Variants in DUOX1 observed in about 807,000 individuals in gnomAD.
DUOX1 encodes NADPH thyroid oxidase 1.
Under a neutral mutation model 181.8 loss-of-function variants are expected in DUOX1, and 134 were observed. The ratio of observed to expected loss-of-function variants is 0.74; its 90% CI spans 0.64 to 0.85. The LOEUF (loss-of-function observed/expected upper bound fraction) is 0.85. DUOX1 is among the 40% of genes least tolerant of loss of function. DUOX1 has a pLI of 0.00. For synonymous variants in DUOX1, 798 were observed against 832.5 expected, an observed-to-expected ratio of 0.96 and a Z score of 0.71; for missense variants, 1,814 against 2,064.4, an observed-to-expected ratio of 0.88 and a Z score of 2.35.
At chr15:45,154,106 G>A (rs1056093015) in intron 27 of DUOX1, 106 bp downstream of exon 27, 21 of 1,060,266 alleles carry the variant, frequency 2.0e-5, no homozygotes, top group Non-Finnish European at 2.8e-5. Flanking sequence ...CAGCTCTTCC[G>A]GTGACCCAGG....
Position 45,147,622 on chromosome 15 carries a change from C to A in DUOX1, c.2512C>A (p.Arg838=). Residue 838 remains arginine, a synonymous_variant, in exon 19 of 34, where the codon CGA becomes AGA. Coordinates refer to ENST00000389037, the MANE Select transcript of DUOX1 (RefSeq NM_175940.3). ...DKDGNGYLSF[R]EFLDILVVFM... is the part of the protein sequence containing the mutation. ...GGATGGCAATGGCTACCTGTCCTTC[C>A]GAGAGTTCCTGGACATCCTGGTGGT... is the stretch of plus-strand genomic sequence containing the variant. The A allele has an allele frequency of 6.2e-7, 1 of 1,614,142 alleles. No individual in the cohort carries two copies. The highest frequency in any genetic ancestry group is 8.5e-7 in the Non-Finnish European group (1 of 1,180,028).
At chr15:45,131,175 C>A (rs1896129607) in intron 1 of DUOX1, among the ~76,000 whole-genome samples, 1 of 152,192 alleles carries the variant, frequency 6.6e-6, no homozygotes, top group Non-Finnish European at 1.5e-5. Context: ...GAGGTCTTCG[C>A]CGGCTTTAGG....
At chr15:45,130,906 A>G (rs1193245416) in intron 1 of DUOX1, among the ~76,000 whole-genome samples, 1 of 152,244 alleles carries the variant, frequency 6.6e-6, no homozygotes, top group African/African-American at 2.4e-5. Context: ...TCAACCATCC[A>G]GAGCCCAGCT....
Position 45,131,946 on chromosome 15 carries a change from T to G in DUOX1, c.-21T>G, listed in dbSNP as rs965800909. ...CTCCATTTTGGGACATTCTAATCCCTGAGCCCCTATTATTTTCATCATGGG... is the reference window on the plus strand; with the variant it reads ...CTCCATTTTGGGACATTCTAATCCCGGAGCCCCTATTATTTTCATCATGGG... On this transcript the variant is annotated 5_prime_UTR_variant, in exon 2 of 34. Coordinates refer to ENST00000389037, the MANE Select transcript of DUOX1 (RefSeq NM_175940.3). The G allele has an allele frequency of 2.5e-6, 4 of 1,613,454 alleles. No individual in the cohort carries two copies. Among genetic ancestry groups the G allele is most frequent in the Non-Finnish European group, 3.4e-6 (4 of 1,179,532 alleles).
At chr15:45,138,894 C>T in intron 10 of DUOX1, 172 bp from the exon 11 acceptor site, 2 of 623,024 alleles carry the variant, frequency 3.2e-6, no homozygotes, top group Admixed American at 3.0e-5. Context: ...GGGGACACCC[C>T]TCACCCTGAG....
At position 45,133,900 on chromosome 15, in the gene DUOX1, T is replaced by A; in HGVS notation, c.95T>A (p.Phe32Tyr). The A allele has an allele frequency of 6.2e-7, 1 of 1,613,882 alleles. No homozygotes were observed. The highest frequency in any genetic ancestry group is 1.3e-5 in the African/African-American group (1 of 74,990). The change falls in exon 3 of 34, where the codon TTT becomes TAT. Residue 32 changes from phenylalanine (F) to tyrosine (Y), a missense_variant. This residue lies in a region of DUOX1 where 320 missense variants were observed against 313.1 expected (regional missense o/e 1.02). Coordinates refer to ENST00000389037, the MANE Select transcript of DUOX1 (RefSeq NM_175940.3). ...QNPISWEVQRFDGWYNNLMEH... is the reference protein window; with the variant it reads ...QNPISWEVQRYDGWYNNLMEH... ...CCCATTTCGTGGGAGGTGCAGCGAT[T>A]TGATGGGTGGTACAACAACCTCATG...
chr15:45,154,069 C>T, intron 27 of DUOX1, 69 bp downstream of exon 27: 1 of 1,456,264 alleles, frequency 6.9e-7, no homozygotes, highest in Middle Eastern at 1.7e-4. Flanking sequence ...GTTCTCTGCA[C>T]CCCAGAGCAA....
At chr15:45,142,787 G>GTAA in intron 15 of DUOX1, among the ~76,000 whole-genome samples, 1 of 143,680 alleles carries the variant, frequency 7.0e-6, no homozygotes, top group Non-Finnish European at 1.6e-5. Context: ...AAGGAAGGAA[G>GTAA]GGAGGGAGGA....
chr15:45,144,698 A>G (rs1896602912), intron 17 of DUOX1, among the ~76,000 whole-genome samples, 197 bp from the exon 18 acceptor site: 1 of 152,202 alleles, frequency 6.6e-6, no homozygotes. Context: ...GTCTTTGTAC[A>G]TGTGCCTTTA....
chr15:45,135,405 G>C, intron 5 of DUOX1, 69 bp from the exon 6 acceptor site: 2 of 1,507,286 alleles, frequency 1.3e-6, no homozygotes, highest in Non-Finnish European at 1.8e-6. Flanking sequence ...GCGGACACCC[G>C]CCGGGCCCCG....
At chr15:45,138,522 A>T (rs1273682575) in intron 10 of DUOX1, 1 of 157,140 alleles carries the variant, frequency 6.4e-6, no homozygotes, top group African/African-American at 2.4e-5. Flanking sequence ...AAATCAGGCC[A>T]GCATGGGTGA....
In DUOX1 at chr15:45,135,121, G is replaced by A. The variant is rs1896256616; in HGVS notation, c.325G>A (p.Asp109Asn). The change falls in exon 5 of 34, where the codon GAC becomes AAC. Residue 109 changes from aspartate (D) to asparagine (N), a missense_variant. Physicochemically the swap from Asp to Asn is conservative, Grantham distance 23. This residue lies in a region of DUOX1 where 320 missense variants were observed against 313.1 expected (regional missense o/e 1.02). Transcript: ENST00000389037. ...GVFFGYHVLS[D>N]LVSVETPGCP... is the part of the protein sequence containing the mutation. Reference sequence around the variant, plus strand: ...GCCCGCAGGCTATCACGTGCTTTCAGACCTGGTGAGCGTGGAAACTCCCGG... The same window carrying A: ...GCCCGCAGGCTATCACGTGCTTTCAAACCTGGTGAGCGTGGAAACTCCCGG... The A allele has an allele frequency of 6.2e-7, 1 of 1,613,748 alleles. No individual in the cohort carries two copies. Among genetic ancestry groups the A allele is most frequent in the Non-Finnish European group, 8.5e-7 (1 of 1,179,896 alleles).
At chr15:45,136,094 A>G (rs1896305672) in intron 7 of DUOX1, 146 bp downstream of exon 7, 6 of 1,465,662 alleles carry the variant, frequency 4.1e-6, no homozygotes, top group Non-Finnish European at 5.6e-6. Flanking sequence ...GCCCCTGTAA[A>G]TGATAGGGAG....
chr15:45,163,813 G>T lies in DUOX1; in HGVS notation c.4428G>T (p.Gln1476His). Residue 1476 changes from glutamine to histidine, a missense_variant, in exon 33 of 34, where the codon CAG (glutamine) becomes CAT (histidine). Transcript: ENST00000389037. ...AGTACATCTGTGAGCGGCACTTCCA[G>T]AAGGTTCTGAACCGGAGTCTATTCA... is the stretch of plus-strand genomic sequence containing the variant. ...TMLYICERHF[Q>H]KVLNRSLFTG... 6.2e-7 allele frequency: 1 copy of T among 1,614,104 alleles called. No homozygotes were observed. Among genetic ancestry groups the T allele is most frequent in the Non-Finnish European group, 8.5e-7 (1 of 1,180,012 alleles).
At position 45,136,562 on chromosome 15, in the gene DUOX1, C is replaced by T; in HGVS notation, c.959C>T (p.Ser320Leu). ...CCATTTCTGGACCCCAGCATCTCCT[C>T]AGAGTTCGTGGCGGCCTCTGAGCAG... ...YRPFLDPSIS[S>L]EFVAASEQFL... The change falls in exon 9 of 34, where the codon TCA becomes TTA. Residue 320 changes from serine to leucine, a missense_variant. Physicochemically the swap from Ser to Leu is moderately radical, Grantham distance 145. Around this residue, in one of 5 missense-constraint regions of DUOX1, gnomAD observed 1,064 missense variants for 1,152.9 expected, o/e 0.92. Transcript: ENST00000389037. 1 of 1,614,192 alleles carries T rather than the reference C, an allele frequency of 6.2e-7. No homozygotes were observed. The highest frequency in any genetic ancestry group is 8.5e-7 in the Non-Finnish European group (1 of 1,180,030).
Position 45,152,046 on chromosome 15 carries a change from G to A in DUOX1, c.3187G>A (p.Ala1063Thr), listed in dbSNP as rs1418578627. Reference protein sequence around the residue: ...AIAGGLFLERAYYYAFAAHHT... With the variant: ...AIAGGLFLERTYYYAFAAHHT... ...CGCTGGGGGGCTTTTCCTGGAGAGG[G>A]CCTACTGTGAGTGACTTTACTTACC... The change falls in exon 24 of 34, where the codon GCC becomes ACC. Residue 1063 changes from alanine (A) to threonine (T), a missense_variant. Ala to Thr is a moderately conservative substitution (Grantham distance 58, BLOSUM62 0). Transcript: ENST00000389037. The A allele has an allele frequency of 1.2e-6, 2 of 1,613,668 alleles. No individual in the cohort carries two copies. Among genetic ancestry groups the A allele is most frequent in the Non-Finnish European group, 1.7e-6 (2 of 1,179,714 alleles).
intron 12 of DUOX1, 82 bp from the exon 13 acceptor site, chr15:45,140,813 G>C: frequency 7.3e-7 from 1 of 1,368,550 alleles, no homozygotes; most frequent in Admixed American, 1.8e-5. Context: ...ATCATCCCTG[G>C]GGCTAATCCC....
Position 45,144,168 on chromosome 15 carries a change from A to G in DUOX1, c.2069A>G (p.Asn690Ser). The G allele has an allele frequency of 6.2e-7, 1 of 1,614,176 alleles. No individual in the cohort carries two copies. Among genetic ancestry groups the G allele is most frequent in the Non-Finnish European group, 8.5e-7 (1 of 1,180,052 alleles). Residue 690 changes from asparagine (N) to serine (S), a missense_variant, in exon 17 of 34, where the codon AAC becomes AGC. This residue lies in a region of DUOX1 where 1,064 missense variants were observed against 1,152.9 expected (regional missense o/e 0.92). Transcript: ENST00000389037. ...TIQLQPPQKVNFVLSSNRGRR... is the reference protein window; with the variant it reads ...TIQLQPPQKVSFVLSSNRGRR... ...CAGCTGCAGCCTCCACAGAAGGTCA[A>G]CTTCGTCCTGTCCAGCAACCGTGGA... is the stretch of plus-strand genomic sequence containing the variant.
chr15:45,155,669 G>C, intron 27 of DUOX1, 133 bp from the exon 28 acceptor site: 1 of 1,272,112 alleles, frequency 7.9e-7, no homozygotes, highest in Non-Finnish European at 1.1e-6. Flanking sequence ...TTGGGGGAGA[G>C]GACCAGAGGA....
Sources: allele counts gnomAD v4.1 joint callset (sites outside exome capture counted in the v4.1 genomes callset), GRCh38; gene constraint gnomAD v4.1.1; regional missense constraint gnomAD v4.1.1; transcripts MANE v1.5; gene names NCBI Gene and HGNC (gene_info 2026-07-23, HGNC 2026-07-21).